The following LIPH variants were observed in gnomAD, a reference collection of about 807,000 sequenced individuals.
LIPH encodes the protein lipase H.
A neutral mutation model predicts 47.6 loss-of-function variants in LIPH; 32 were observed. That is an observed-to-expected ratio of 0.67 (90% confidence interval 0.51 to 0.90). LIPH has a LOEUF of 0.90. Among genes scored for constraint, LIPH ranks in the 40% least tolerant of loss-of-function variants. LIPH has a pLI of 0.00. For synonymous variants in LIPH, 190 were observed against 195.6 expected (o/e 0.97, Z 0.24); for missense variants, 497 against 541.4 (o/e 0.92, Z 0.81).
At chr3:185,543,004 T>G (rs1016511171) in intron 1 of LIPH, among the ~76,000 whole-genome samples, 1 of 151,906 alleles carries the variant, frequency 6.6e-6, no homozygotes, top group African/African-American at 2.4e-5. Flanking sequence ...AGGTCAGGAG[T>G]TCGAGACCAG....
At chr3:185,528,334 G>GAAAGAAAGAAAGA (rs1225124077) in intron 3 of LIPH, among the ~76,000 whole-genome samples, 3 of 149,816 alleles carry the variant, frequency 2.0e-5, no homozygotes, top group Non-Finnish European at 4.4e-5. Flanking sequence ...AAGAAAGAAA[G>GAAAGAAAGAAAGA]AAAGAAAGAA....
At chr3:185,540,725 C>CAAAAAA (rs550173961) in intron 1 of LIPH, among the ~76,000 whole-genome samples, 1 of 86,134 alleles carries the variant, frequency 1.2e-5, no homozygotes. Context: ...CTCAAAGAAC[C>CAAAAAA]AAAAAAAAAA....
intron 1 of LIPH, among the ~76,000 whole-genome samples, chr3:185,545,298 A>T (rs1364368277): frequency 6.6e-6 from 1 of 152,204 alleles, no homozygotes; most frequent in Non-Finnish European, 1.5e-5. Flanking sequence ...AGCAGGCATG[A>T]TTATCATGTA....
chr3:185,545,750 T>A (rs543877987), intron 1 of LIPH, among the ~76,000 whole-genome samples: 1 of 152,216 alleles, frequency 6.6e-6, no homozygotes, highest in South Asian at 2.1e-4. Context: ...GGAAACAGCA[T>A]GAGTTTTGGA....
chr3:185,534,743 T>A, intron 2 of LIPH, 22 bp downstream of exon 2: 1 of 1,611,960 alleles, frequency 6.2e-7, no homozygotes, highest in Non-Finnish European at 8.5e-7. Flanking sequence ...TAGCTCTGAA[T>A]CATCTAAGAG....
Position 185,506,830 on chromosome 3 carries a change from TAAAAAAAAAAAAA to T in LIPH, c.*1947_*1959del, listed in dbSNP as rs58962402. On this transcript the variant is annotated 3_prime_UTR_variant, in exon 10 of 10. Transcript: ENST00000296252. The stretch of plus-strand genomic sequence containing the variant: ...CTGGGTAACAGAAGGAGACTCCATC[TAAAAAAAAAAAAA>T]AAAAAAAAAAAAAAAAACCAGGGCC... 1.8e-4 allele frequency: 9 copies of T among 50,126 alleles called. No homozygotes were observed. Among genetic ancestry groups the T allele is most frequent in the East Asian group, 7.8e-4 (1 of 1,276 alleles). 3.1% of individuals were successfully genotyped at this position (50,126 alleles called of 1,614,324 possible). A position where few individuals can be genotyped will look rare whatever the true frequency, so the allele number is the denominator to read the frequency against.
At chr3:185,537,697 A>G (rs1442435529) in intron 1 of LIPH, among the ~76,000 whole-genome samples, 1 of 152,060 alleles carries the variant, frequency 6.6e-6, no homozygotes, top group Non-Finnish European at 1.5e-5. Flanking sequence ...GTCATCTTTC[A>G]CTTGCCGCCT....
chr3:185,543,642 A>T (rs756416333), intron 1 of LIPH, among the ~76,000 whole-genome samples: 1 of 152,172 alleles, frequency 6.6e-6, no homozygotes, highest in African/African-American at 2.4e-5. Context: ...GTGTTCTGGG[A>T]GGTCAAGGCA....
At chr3:185,544,344 T>G (rs76622471) in intron 1 of LIPH, among the ~76,000 whole-genome samples, 86 of 151,812 alleles carry the variant, frequency 5.7e-4, no homozygotes, top group East Asian at 3.1e-3. Flanking sequence ...CTGTTGTTTT[T>G]TTTTGTTTTG....
Position 185,533,627 on chromosome 3 carries a change from G to A in LIPH, c.470C>T (p.Ala157Val), listed in dbSNP as rs2148958898. Residue 157 changes from alanine to valine, a missense_variant, in exon 3 of 10, where the codon GCC (alanine) becomes GTC (valine). Physicochemically the swap from Ala to Val is moderately conservative, Grantham distance 64. Coordinates refer to ENST00000296252, the MANE Select transcript of LIPH (RefSeq NM_139248.3). ...DIYMIGVSLGAHISGFVGEMY... is the reference protein window; with the variant it reads ...DIYMIGVSLGVHISGFVGEMY... ...CTCTCCAACAAACCCAGATATGTGG[G>A]CTCCTAGACTTACTCCGATCATGTA... The A allele has an allele frequency of 1.2e-6, 2 of 1,614,002 alleles. No homozygotes were observed. Among genetic ancestry groups the A allele is most frequent in the East Asian group, 4.5e-5 (2 of 44,880 alleles).
At chr3:185,526,850 C>T (rs913771366) in intron 4 of LIPH, among the ~76,000 whole-genome samples, 5 of 151,958 alleles carry the variant, frequency 3.3e-5, no homozygotes, top group Non-Finnish European at 5.9e-5. Flanking sequence ...GAACCAACAA[C>T]ACTAAGAAAT....
intron 3 of LIPH, among the ~76,000 whole-genome samples, chr3:185,530,961 T>A (rs796806626): frequency 9.9e-5 from 15 of 152,258 alleles, no homozygotes; most frequent in African/African-American, 3.6e-4. Context: ...GCAGGACAGT[T>A]TTCAGAGTGA....
intron 9 of LIPH, among the ~76,000 whole-genome samples, chr3:185,510,613 G>T (rs1247720660): frequency 6.6e-6 from 1 of 152,130 alleles, no homozygotes; most frequent in African/African-American, 2.4e-5. Context: ...GGGTACAGTG[G>T]CTCATGCCTG....
intron 3 of LIPH, among the ~76,000 whole-genome samples, chr3:185,528,760 C>T (rs1434956403): frequency 6.6e-6 from 1 of 152,152 alleles, no homozygotes; most frequent in Non-Finnish European, 1.5e-5. Context: ...AAACCGGTTT[C>T]TCACCCTTGG....
intron 2 of LIPH, among the ~76,000 whole-genome samples, 189 bp downstream of exon 2, chr3:185,534,576 C>A (rs1435116470): frequency 1.3e-5 from 2 of 152,210 alleles, no homozygotes; most frequent in Non-Finnish European, 2.9e-5. Flanking sequence ...CTGTGCAGTG[C>A]ACAGCCTAAC....
chr3:185,526,303 C>T (rs1196473018), intron 4 of LIPH, among the ~76,000 whole-genome samples: 1 of 151,866 alleles, frequency 6.6e-6, no homozygotes, highest in African/African-American at 2.4e-5. Flanking sequence ...GGTGGATCAC[C>T]TGACCTCAGG....
intron 8 of LIPH, among the ~76,000 whole-genome samples, chr3:185,514,164 AAG>A (rs908568601): frequency 1.8e-4 from 27 of 152,002 alleles, no homozygotes; most frequent in African/African-American, 6.0e-4. Context: ...AGGAAGGAAA[AAG>A]GGAGGAAGCA....
intron 1 of LIPH, among the ~76,000 whole-genome samples, chr3:185,539,366 C>CT (rs1299229902): frequency 8.2e-4 from 116 of 140,636 alleles, no homozygotes; most frequent in South Asian, 5.9e-3. Context: ...TTTTACAGAT[C>CT]TTTTTTTTTT....
chr3:185,516,148 A>G (rs530893178), intron 7 of LIPH, among the ~76,000 whole-genome samples: 1 of 151,474 alleles, frequency 6.6e-6, no homozygotes, highest in Admixed American at 6.6e-5. Context: ...AAAAATTAAC[A>G]TAGCCTGGGC....
Sources: gnomAD v4.1 joint callset for allele counts (sites outside exome capture counted in the v4.1 genomes callset) on GRCh38, gnomAD v4.1.1 for gene constraint, MANE v1.5 for transcripts, NCBI Gene and HGNC (gene_info 2026-07-23, HGNC 2026-07-21) for gene names.